Variants in TRPM3 observed in about 807,000 individuals in gnomAD.
The protein encoded by TRPM3 is transient receptor potential cation channel subfamily M member 3, also known as long transient receptor potential channel 3.
In TRPM3, 77 loss-of-function variants were observed where a neutral mutation model predicts 181.2. The ratio of observed to expected loss-of-function variants is 0.42; its 90% CI spans 0.35 to 0.51. The LOEUF is 0.51. Among genes scored for constraint, TRPM3 ranks in the 20% least tolerant of loss-of-function variants. The pLI, the probability that TRPM3 is intolerant of heterozygous loss-of-function variation, is 0.01. For missense variants in TRPM3, 1,759 were observed against 2,196.7 expected (o/e 0.80, Z 3.98); for synonymous variants, 745 against 796.4 (o/e 0.94, Z 1.09).
chr9:70,902,247 T>C (rs182209831), intron 1 of TRPM3, among the ~76,000 whole-genome samples: 1 of 152,362 alleles, frequency 6.6e-6, no homozygotes, highest in Non-Finnish European at 1.5e-5. Context: ...TAGTATAATC[T>C]TGCAAAGTCA....
chr9:71,248,741 T>C (rs1251919107), intron 1 of TRPM3, among the ~76,000 whole-genome samples: 1 of 152,186 alleles, frequency 6.6e-6, no homozygotes, highest in African/African-American at 2.4e-5. Flanking sequence ...TGTGTTATAA[T>C]GTACGTCCAA....
At chr9:71,296,599 C>T (rs2086278351) in intron 1 of TRPM3, among the ~76,000 whole-genome samples, 1 of 152,164 alleles carries the variant, frequency 6.6e-6, no homozygotes, top group South Asian at 2.1e-4. Context: ...CAGGAGGAAA[C>T]TCTGAAGGTT....
At chr9:71,186,126 C>G (rs546463468) in intron 1 of TRPM3, among the ~76,000 whole-genome samples, 1 of 152,102 alleles carries the variant, frequency 6.6e-6, no homozygotes, top group Non-Finnish European at 1.5e-5. Context: ...GCCTCTCAAC[C>G]TTCACAGGAC....
At chr9:70,867,950 A>C (rs1432498624) in intron 1 of TRPM3, among the ~76,000 whole-genome samples, 2 of 152,168 alleles carry the variant, frequency 1.3e-5, no homozygotes, top group East Asian at 3.9e-4. Context: ...CATCCAACTC[A>C]GTTATCTCAG....
intron 1 of TRPM3, among the ~76,000 whole-genome samples, chr9:70,893,666 T>C (rs1172359706): frequency 2.0e-5 from 3 of 152,098 alleles, no homozygotes; most frequent in African/African-American, 7.2e-5. Flanking sequence ...ACTGTAATTA[T>C]GGAACCACAT....
chr9:71,195,785 G>C (rs1203645749), intron 1 of TRPM3, among the ~76,000 whole-genome samples: 1 of 152,038 alleles, frequency 6.6e-6, no homozygotes, highest in Non-Finnish European at 1.5e-5. Flanking sequence ...TCATAAAAAA[G>C]AATGAGATCA....
intron 1 of TRPM3, among the ~76,000 whole-genome samples, chr9:71,251,569 T>G (rs965796803): frequency 2.6e-5 from 4 of 152,186 alleles, no homozygotes; most frequent in African/African-American, 9.7e-5. Context: ...GGAATTTTTT[T>G]AATTTTTAGT....
intron 1 of TRPM3, among the ~76,000 whole-genome samples, chr9:71,280,039 T>C (rs902368938): frequency 6.7e-6 from 1 of 149,058 alleles, no homozygotes; most frequent in Non-Finnish European, 1.5e-5. Flanking sequence ...GATCTTGACA[T>C]TGCACTCTAC....
At chr9:71,413,241 T>C (rs190127495) in intron 1 of TRPM3, among the ~76,000 whole-genome samples, 29 of 152,234 alleles carry the variant, frequency 1.9e-4, no homozygotes, top group Non-Finnish European at 4.4e-5. Context: ...GAACTTAAAG[T>C]ATAACAAAAA....
intron 1 of TRPM3, among the ~76,000 whole-genome samples, chr9:70,892,669 T>C (rs1033534574): frequency 6.6e-6 from 1 of 151,224 alleles, no homozygotes; most frequent in Admixed American, 6.6e-5. Flanking sequence ...ATCACATTCA[T>C]GGATGGTTAA....
chr9:70,546,139 G>A (rs2044816720), intron 25 of TRPM3, among the ~76,000 whole-genome samples: 1 of 152,168 alleles, frequency 6.6e-6, no homozygotes, highest in Non-Finnish European at 1.5e-5. Flanking sequence ...AATGTAAGAT[G>A]CCAGGATTTT....
chr9:71,089,480 TC>T (rs2065845924), intron 1 of TRPM3, among the ~76,000 whole-genome samples: 1 of 151,794 alleles, frequency 6.6e-6, no homozygotes, highest in African/African-American at 2.4e-5. Flanking sequence ...TGAAGGTGTT[TC>T]TCTGTAGCTA....
intron 19 of TRPM3, among the ~76,000 whole-genome samples, chr9:70,607,362 T>C (rs1564533312): frequency 1.3e-5 from 2 of 152,234 alleles, no homozygotes; most frequent in Admixed American, 6.5e-5. Flanking sequence ...TTCAAAAGAC[T>C]GGCATACCTT....
chr9:70,973,103 G>A (rs1217003178), intron 1 of TRPM3, among the ~76,000 whole-genome samples: 1 of 152,138 alleles, frequency 6.6e-6, no homozygotes, highest in African/African-American at 2.4e-5. Context: ...TAGGAGGCAG[G>A]CCCTGGAATT....
At chr9:70,855,275 A>G (rs1224993019) in intron 3 of TRPM3, among the ~76,000 whole-genome samples, 1 of 152,224 alleles carries the variant, frequency 6.6e-6, no homozygotes, top group Non-Finnish European at 1.5e-5. Flanking sequence ...GCAGCAGCCA[A>G]ACTGCATAGA....
At chr9:70,686,711 TTCC>T (rs1232156432) in intron 8 of TRPM3, among the ~76,000 whole-genome samples, 144 of 125,538 alleles carry the variant, frequency 1.1e-3, no homozygotes, top group Middle Eastern at 4.0e-3. Context: ...CCTTCCTTCC[TTCC>T]TTCCTTCCTT....
chr9:70,616,572 G>GC (rs1554781646), intron 17 of TRPM3, among the ~76,000 whole-genome samples: 2 of 62,430 alleles, frequency 3.2e-5, no homozygotes, highest in South Asian at 3.9e-4. Flanking sequence ...GATTATCTCT[G>GC]CAAAAAAAAA....
Position 70,536,294 on chromosome 9 carries a change from A to C in TRPM3, c.4819T>G (p.Ser1607Ala), listed in dbSNP as rs1166989419. The C allele has an allele frequency of 1.9e-6, 3 of 1,614,030 alleles. No individual in the cohort carries two copies. Among genetic ancestry groups the C allele is most frequent in the Non-Finnish European group, 2.5e-6 (3 of 1,180,026 alleles). ...EREAELSHPS[S>A]DSEENEAKGR... Reference sequence around the variant, plus strand: ...TTGGCCTCATTCTCCTCACTGTCAGAGCTGGGGTGACTCAGTTCTGCTTCT... The same window carrying C: ...TTGGCCTCATTCTCCTCACTGTCAGCGCTGGGGTGACTCAGTTCTGCTTCT... Residue 1607 changes from serine to alanine, a missense_variant, in exon 26 of 26, where the codon TCT becomes GCT. Coordinates refer to ENST00000677713, the MANE Select transcript of TRPM3 (RefSeq NM_001366145.2).
At chr9:71,294,709 T>C (rs1604856) in intron 1 of TRPM3, among the ~76,000 whole-genome samples, 34,097 of 151,966 alleles carry the variant, frequency 0.22, 4,453 homozygotes, top group African/African-American at 0.38. Flanking sequence ...TCAGTCATTA[T>C]AGCAAAAAAC....
Sources: gnomAD v4.1 joint callset for allele counts (sites outside exome capture counted in the v4.1 genomes callset) on GRCh38, gnomAD v4.1.1 for gene constraint, MANE v1.5 for transcripts, NCBI Gene and HGNC (gene_info 2026-07-23, HGNC 2026-07-21) for gene names.